Variants in TRAPPC3L observed in about 807,000 individuals in gnomAD.
TRAPPC3L encodes the protein trafficking protein particle complex subunit 3L.
A neutral mutation model predicts 23.7 loss-of-function variants in TRAPPC3L; 23 were observed. The observed-to-expected ratio is 0.97, with a 90% confidence interval of 0.70 to 1.37. TRAPPC3L has a LOEUF of 1.37. TRAPPC3L is among the 40% of genes most tolerant of loss of function. TRAPPC3L has a pLI of 0.00. For synonymous variants in TRAPPC3L, 81 were observed against 77.9 expected, an observed-to-expected ratio of 1.04 and a Z score of -0.21; for missense variants, 212 against 216.8, an observed-to-expected ratio of 0.98 and a Z score of 0.14.
rs559607363 is a variant in TRAPPC3L, at chr6:116,507,542, A to G, written c.241-6876T>C. Among the ~76,000 whole-genome samples the G allele has an allele frequency of 1.5e-4, 18 of 123,314 alleles. No homozygotes were observed. The East Asian group carries it at 4.9e-3, about 34-fold the overall frequency. The allele number at this position is 123,314 out of a possible 152,430, so 80.9% of individuals were successfully genotyped here. ...CGTGAATCATCCCTTTGTTCAGTGTATTACACACTGTTTATGCTATGACCT... is the reference window on the plus strand; with the variant it reads ...CGTGAATCATCCCTTTGTTCAGTGTGTTACACACTGTTTATGCTATGACCT... On this transcript the variant is annotated intron_variant, in intron 3 of 4. Transcript: ENST00000368602.
In TRAPPC3L at chr6:116,500,562, A is replaced by G. The variant is rs1562335645; in HGVS notation, c.345T>C (p.Phe115=). Reference sequence around the variant, plus strand: ...ATCGCCCAGCAGGGAGCTCTTCCACAAACTCCACCAGGGGATTCTTCTCTA... The same window carrying G: ...ATCGCCCAGCAGGGAGCTCTTCCACGAACTCCACCAGGGGATTCTTCTCTA... ...LILEKNPLVE[F]VEELPAGRSS... The change falls in exon 4 of 5, where the codon TTT becomes TTC. Residue 115 remains phenylalanine, a synonymous_variant. Transcript: ENST00000368602. 1.9e-6 allele frequency: 3 copies of G among 1,551,584 alleles called. No homozygotes were observed. The highest frequency in any genetic ancestry group is 1.4e-5 in the African/African-American group (1 of 73,060).
chr6:116,533,957 G>A (rs1772910712), intron 3 of TRAPPC3L, among the ~76,000 whole-genome samples: 1 of 152,148 alleles, frequency 6.6e-6, no homozygotes, highest in South Asian at 2.1e-4. Flanking sequence ...GGCAGTCTGA[G>A]TCTAGCAACA....
At chr6:116,517,848 G>T (rs991258746) in intron 3 of TRAPPC3L, 4 of 152,184 alleles carry the variant, frequency 2.6e-5, no homozygotes, top group South Asian at 2.1e-4. Context: ...GGGGCTGAAG[G>T]TTGAGTCGAT....
rs574588986 is a variant in TRAPPC3L at position 116,496,854 on chromosome 6, C to G, written c.*100G>C. The G allele has an allele frequency of 7.2e-7, 1 of 1,397,802 alleles. No homozygotes were observed. Among genetic ancestry groups the G allele is most frequent in the African/African-American group, 1.5e-5 (1 of 65,888 alleles). The allele number at this position is 1,397,802 out of a possible 1,614,324, so 86.6% of individuals were successfully genotyped here. ...ATTTCTGGCTGATTTATAAACCTTTCAAAGCTCATGCTATGAAGCAATTCA... is the reference window on the plus strand; with the variant it reads ...ATTTCTGGCTGATTTATAAACCTTTGAAAGCTCATGCTATGAAGCAATTCA... On this transcript the variant is annotated 3_prime_UTR_variant, in exon 5 of 5. Transcript: ENST00000368602.
rs921039655 is a variant in TRAPPC3L, at chr6:116,496,596, C to T, written c.*358G>A. Reference sequence around the variant, plus strand: ...TATCATTTCATTCTTTTTTTTTCAGCAAAGAGACAAATACACAACTGTTTG... The same window carrying T: ...TATCATTTCATTCTTTTTTTTTCAGTAAAGAGACAAATACACAACTGTTTG... On this transcript the variant is annotated 3_prime_UTR_variant, in exon 5 of 5. Transcript: ENST00000368602. The T allele has an allele frequency of 1.7e-5, 3 of 172,534 alleles. No individual in the cohort carries two copies. In the Admixed American group the frequency reaches 1.9e-4, roughly 11 times the overall value. The allele number at this position is 172,534 out of a possible 1,614,324, so 10.7% of individuals were successfully genotyped here. A position where few individuals can be genotyped will look rare whatever the true frequency, so the allele number is the denominator to read the frequency against.
At chr6:116,508,315 G>T (rs1241620698) in intron 3 of TRAPPC3L, among the ~76,000 whole-genome samples, 1 of 152,084 alleles carries the variant, frequency 6.6e-6, no homozygotes, top group Non-Finnish European at 1.5e-5. Flanking sequence ...CAAGACTAGG[G>T]GTCTGGAGGT....
At chr6:116,543,868 A>G in intron 1 of TRAPPC3L, 1 of 1,532,562 alleles carries the variant, frequency 6.5e-7, no homozygotes, top group Non-Finnish European at 8.7e-7. Context: ...TGTAGCAGCA[A>G]ATTTGTGAGT....
intron 3 of TRAPPC3L, among the ~76,000 whole-genome samples, chr6:116,530,785 T>C (rs1317294384): frequency 1.3e-5 from 2 of 151,456 alleles, no homozygotes; most frequent in African/African-American, 4.9e-5. Context: ...GCATACTAAA[T>C]GGAGTCTGCA....
chr6:116,504,952 C>T (rs531444139), intron 3 of TRAPPC3L, among the ~76,000 whole-genome samples: 18 of 152,020 alleles, frequency 1.2e-4, no homozygotes, highest in South Asian at 2.1e-4. Flanking sequence ...CTTTGAAAAC[C>T]GGCACAAGAC....
chr6:116,533,680 G>A (rs956311175), intron 3 of TRAPPC3L, among the ~76,000 whole-genome samples: 1 of 152,214 alleles, frequency 6.6e-6, no homozygotes, highest in Non-Finnish European at 1.5e-5. Context: ...TGTAACGCTA[G>A]AGCTCCATCA....
chr6:116,517,499 G>A (rs916666503), intron 3 of TRAPPC3L: 1 of 152,146 alleles, frequency 6.6e-6, no homozygotes, highest in African/African-American at 2.4e-5. Flanking sequence ...TACAGTGGTA[G>A]TCTATGTCTC....
At chr6:116,537,991 GT>G in intron 3 of TRAPPC3L, among the ~76,000 whole-genome samples, 1 of 152,290 alleles carries the variant, frequency 6.6e-6, no homozygotes, top group South Asian at 2.1e-4. Context: ...TAACAAGAAA[GT>G]TTTACATGAG....
chr6:116,522,394 A>G (rs549584578), intron 3 of TRAPPC3L: 1 of 152,362 alleles, frequency 6.6e-6, no homozygotes, highest in East Asian at 1.9e-4. Context: ...GAACACTAAC[A>G]TGAAAATCAG....
intron 3 of TRAPPC3L, among the ~76,000 whole-genome samples, chr6:116,513,205 T>C (rs1772159598): frequency 6.6e-6 from 1 of 152,208 alleles, no homozygotes; most frequent in Non-Finnish European, 1.5e-5. Flanking sequence ...TTTGCCTTGG[T>C]AACAACAAAT....
At chr6:116,520,218 A>G (rs1772305981) in intron 3 of TRAPPC3L, 1 of 152,228 alleles carries the variant, frequency 6.6e-6, no homozygotes, top group African/African-American at 2.4e-5. Flanking sequence ...AAAGCAATCC[A>G]GAAGTCACTG....
intron 4 of TRAPPC3L, among the ~76,000 whole-genome samples, chr6:116,499,301 T>A (rs1191835277): frequency 1.3e-5 from 2 of 152,176 alleles, no homozygotes; most frequent in Non-Finnish European, 2.9e-5. Flanking sequence ...GCAGTCAGGG[T>A]TTTGTTCTCG....
chr6:116,501,415 A>T (rs2352481), intron 3 of TRAPPC3L, among the ~76,000 whole-genome samples: 10 of 152,116 alleles, frequency 6.6e-5, no homozygotes, highest in Middle Eastern at 3.2e-3. Context: ...CTGCCTCCTT[A>T]GATTCCACCT....
At chr6:116,531,734 C>G (rs7776068) in intron 3 of TRAPPC3L, among the ~76,000 whole-genome samples, 4,958 of 152,078 alleles carry the variant, frequency 0.033, 265 homozygotes, top group African/African-American at 0.11. Flanking sequence ...TGGTTACCTA[C>G]TTAATATTTG....
intron 3 of TRAPPC3L, among the ~76,000 whole-genome samples, chr6:116,533,129 T>C (rs1179830123): frequency 6.6e-6 from 1 of 152,176 alleles, no homozygotes; most frequent in Non-Finnish European, 1.5e-5. Flanking sequence ...GAAGAAAGTA[T>C]AAATTATTGG....
Sources: gnomAD v4.1 joint callset for allele counts (sites outside exome capture counted in the v4.1 genomes callset) on GRCh38, gnomAD v4.1.1 for gene constraint, MANE v1.5 for transcripts, NCBI Gene and HGNC (gene_info 2026-07-23, HGNC 2026-07-21) for gene names.